Variants in KLRD1 observed in about 807,000 individuals in gnomAD.
The protein encoded by KLRD1 is killer cell lectin like receptor D1.
A neutral mutation model predicts 22.6 loss-of-function variants in KLRD1; 21 were observed. The observed-to-expected ratio is 0.93, with a 90% CI of 0.66 to 1.34. The LOEUF (loss-of-function observed/expected upper bound fraction) is 1.34, where lower values mean the gene tolerates loss of function less well. KLRD1 is among the 40% of genes most tolerant of loss of function. KLRD1 has a pLI of 0.00. For missense variants in KLRD1, 183 were observed against 208.6 expected (o/e 0.88, Z 0.76); for synonymous variants, 59 against 71.1 (o/e 0.83, Z 0.85).
intron 1 of KLRD1, among the ~76,000 whole-genome samples, chr12:10,240,236 T>G (rs562285809): frequency 2.6e-5 from 4 of 152,116 alleles, no homozygotes; most frequent in Admixed American, 6.5e-5. Context: ...AATTTTTGTA[T>G]TTTTTGTAGA....
At chr12:10,269,406 C>T (rs1248245054) in intron 1 of KLRD1, among the ~76,000 whole-genome samples, 2 of 152,206 alleles carry the variant, frequency 1.3e-5, no homozygotes, top group Non-Finnish European at 2.9e-5. Flanking sequence ...CTGCCTCAGC[C>T]TCCCAAAGTG....
At position 10,314,954 on chromosome 12, in the gene KLRD1, A is replaced by T; in HGVS notation, c.*161A>T. On this transcript the variant is annotated 3_prime_UTR_variant, in exon 6 of 6. Transcript: ENST00000336164. ...TCATGTATGTGAAACAATGTGTTTTAAAATTGATGAAATTCGTTCACCTAC... is the reference window on the plus strand; with the variant it reads ...TCATGTATGTGAAACAATGTGTTTTTAAATTGATGAAATTCGTTCACCTAC... The T allele has an allele frequency of 1.8e-6, 1 of 560,604 alleles. No individual in the cohort carries two copies. Among genetic ancestry groups the T allele is most frequent in the South Asian group, 2.7e-5 (1 of 36,622 alleles). 34.7% of individuals were successfully genotyped at this position (560,604 alleles called of 1,614,324 possible). A position where few individuals can be genotyped will look rare whatever the true frequency, so the allele number is the denominator to read the frequency against.
chr12:10,268,068 A>G (rs569508956), intron 1 of KLRD1, among the ~76,000 whole-genome samples: 2 of 152,324 alleles, frequency 1.3e-5, no homozygotes, highest in South Asian at 2.1e-4. Flanking sequence ...TAAAATTTGC[A>G]TTTTGAGGAG....
At chr12:10,261,178 A>T (rs1170325662) in intron 1 of KLRD1, among the ~76,000 whole-genome samples, 1 of 152,184 alleles carries the variant, frequency 6.6e-6, no homozygotes, top group Non-Finnish European at 1.5e-5. Flanking sequence ...AAGTTATTCA[A>T]AGTGAAGTCT....
intron 1 of KLRD1, among the ~76,000 whole-genome samples, chr12:10,259,083 A>G (rs1949425189): frequency 6.6e-6 from 1 of 152,158 alleles, no homozygotes; most frequent in Admixed American, 6.5e-5. Context: ...TTTGAGATCA[A>G]AAGCATTTAT....
chr12:10,319,865 C>CT lies in KLRD1; in HGVS notation c.*5092dup, dbSNP rs750763577. 4,327 of 116,878 alleles carry CT rather than the reference C, an allele frequency of 0.037. 226 individuals carry two copies. Among genetic ancestry groups the CT allele is most frequent in the African/African-American group, 0.077 (2,368 of 30,898 alleles). The allele number at this position is 116,878 out of a possible 1,614,324, so 7.2% of individuals were successfully genotyped here. On this transcript the variant is annotated 3_prime_UTR_variant, in exon 6 of 6. Coordinates refer to ENST00000336164, the MANE Select transcript of KLRD1 (RefSeq NM_002262.5). ...TGTGTGAAATAGTAAAGTGTTTATT[C>CT]TTTTTTTTTTTTTTTTTTTTGACAG... is the stretch of plus-strand genomic sequence containing the variant.
intron 1 of KLRD1, among the ~76,000 whole-genome samples, chr12:10,286,254 T>C (rs1949701648): frequency 6.6e-6 from 1 of 152,176 alleles, no homozygotes; most frequent in Non-Finnish European, 1.5e-5. Flanking sequence ...AGTCCGGAGA[T>C]TTCCGTGAAA....
intron 1 of KLRD1, among the ~76,000 whole-genome samples, chr12:10,262,708 T>G (rs747978788): frequency 2.0e-5 from 3 of 152,062 alleles, no homozygotes; most frequent in African/African-American, 4.8e-5. Context: ...GAACTGAAAT[T>G]CACAATATTT....
chr12:10,309,157 T>C (rs1949993923), intron 1 of KLRD1: 1 of 389,114 alleles, frequency 2.6e-6, no homozygotes, highest in African/African-American at 2.0e-5. Context: ...GCAACAGAGC[T>C]GGTAGAGAAG....
At chr12:10,239,581 TTCTTTTTCTTTCTTTCTTTCTC>T (rs1565443531) in intron 1 of KLRD1, among the ~76,000 whole-genome samples, 23 of 141,652 alleles carry the variant, frequency 1.6e-4, no homozygotes, top group African/African-American at 6.6e-4. Flanking sequence ...CTTTCTTTCT[TTCTTTTTCTTTCTTTCTTTCTC>T]TCTCTTTCTT....
At chr12:10,255,203 A>C (rs1949383985) in intron 1 of KLRD1, among the ~76,000 whole-genome samples, 1 of 152,150 alleles carries the variant, frequency 6.6e-6, no homozygotes, top group Non-Finnish European at 1.5e-5. Context: ...CAAAGAGCTA[A>C]ACTGCAGTGT....
chr12:10,251,067 G>T (rs1949342095), intron 1 of KLRD1, among the ~76,000 whole-genome samples: 1 of 152,140 alleles, frequency 6.6e-6, no homozygotes, highest in Non-Finnish European at 1.5e-5. Flanking sequence ...ATTAACTACA[G>T]ATGTTAACAT....
intron 1 of KLRD1, among the ~76,000 whole-genome samples, chr12:10,260,363 A>G (rs1949440462): frequency 6.6e-6 from 1 of 151,846 alleles, no homozygotes; most frequent in Non-Finnish European, 1.5e-5. Flanking sequence ...CAACAGTTAT[A>G]TATGATACAC....
Position 10,323,716 on chromosome 12 carries a change from T to A in KLRD1, c.*8923T>A, listed in dbSNP as rs1950331959. 1 of 152,078 alleles carries A rather than the reference T, an allele frequency of 6.6e-6. No homozygotes were observed. The highest frequency in any genetic ancestry group is 2.4e-5 in the African/African-American group (1 of 41,430). The allele number at this position is 152,078 out of a possible 1,614,324, so 9.4% of individuals were successfully genotyped here. Reference sequence around the variant, plus strand: ...CAGATGAATATTCTGTTACTATAGATTTGCCTTTCTATGTTTTATATAGAT... The same window carrying A: ...CAGATGAATATTCTGTTACTATAGAATTGCCTTTCTATGTTTTATATAGAT... On this transcript the variant is annotated 3_prime_UTR_variant, in exon 6 of 6. Coordinates refer to ENST00000336164, the MANE Select transcript of KLRD1 (RefSeq NM_002262.5).
intron 3 of KLRD1, among the ~76,000 whole-genome samples, chr12:10,310,563 G>C (rs1461965418): frequency 1.3e-5 from 2 of 152,152 alleles, no homozygotes; most frequent in Admixed American, 6.5e-5. Flanking sequence ...TCTTTGGGAG[G>C]CTGAGGTAGG....
intron 1 of KLRD1, among the ~76,000 whole-genome samples, chr12:10,264,947 T>C (rs1476291162): frequency 1.3e-5 from 2 of 152,192 alleles, no homozygotes; most frequent in African/African-American, 4.8e-5. Flanking sequence ...AGTGATATCA[T>C]GCAATACTTT....
intron 1 of KLRD1, among the ~76,000 whole-genome samples, chr12:10,258,887 A>G (rs1949423477): frequency 6.6e-6 from 1 of 152,234 alleles, no homozygotes; most frequent in Non-Finnish European, 1.5e-5. Context: ...CTCTAGATAT[A>G]TACACCAAAC....
chr12:10,262,308 T>C (rs1446377162), intron 1 of KLRD1, among the ~76,000 whole-genome samples: 2 of 152,094 alleles, frequency 1.3e-5, no homozygotes, highest in African/African-American at 4.8e-5. Context: ...AGATATAAAA[T>C]GTCAGTTTTC....
chr12:10,241,641 A>G (rs1475721155), intron 1 of KLRD1, among the ~76,000 whole-genome samples: 2 of 152,162 alleles, frequency 1.3e-5, no homozygotes, highest in African/African-American at 2.4e-5. Context: ...AGTAAATACT[A>G]TAAGAAAAGG....
Sources: allele counts gnomAD v4.1 joint callset (sites outside exome capture counted in the v4.1 genomes callset), GRCh38; gene constraint gnomAD v4.1.1; transcripts MANE v1.5; gene names NCBI Gene and HGNC (gene_info 2026-07-23, HGNC 2026-07-21).